The following GATA1 variants were observed in gnomAD, a reference collection of about 807,000 sequenced individuals.
The protein encoded by GATA1 is GATA binding protein 1.
A neutral mutation model predicts 18.9 loss-of-function variants in GATA1; 2 were observed. The ratio of observed to expected loss-of-function variants is 0.11; its 90% CI spans 0.04 to 0.33. GATA1 has a LOEUF of 0.33. GATA1 is among the 10% of genes least tolerant of loss of function. GATA1 has a pLI of 1.00. For missense variants in GATA1, 272 were observed against 344.7 expected (o/e 0.79, Z 1.67); for synonymous variants, 152 against 149.1 (o/e 1.02, Z -0.14).
intron 1 of GATA1, among the ~76,000 whole-genome samples, chrX:48,788,378 C>G (rs1372517140): frequency 9.1e-6 from 1 of 110,207 alleles, no homozygotes; most frequent in Non-Finnish European, 1.9e-5. Context: ...AGGAAAGACC[C>G]GGGAGCAGAA....
chrX:48,791,038 AG>A, intron 1 of GATA1, 52 bp from the exon 2 acceptor site: 1 of 821,258 alleles, frequency 1.2e-6, no homozygotes, highest in Non-Finnish European at 1.8e-6. Flanking sequence ...AGCAGGTGAA[AG>A]GAGGTGGGGG....
chrX:48,791,162 T>G lies in GATA1; in HGVS notation c.53T>G (p.Phe18Cys). Residue 18 changes from phenylalanine to cysteine, a missense_variant, in exon 2 of 6, where the codon TTT becomes TGT. Phe to Cys is a radical substitution (Grantham distance 205). This residue lies in a region of GATA1 where 147 missense variants were observed against 157.4 expected (regional missense o/e 0.93). Transcript: ENST00000376670. ...GGGACCTCAGAGCCCCTCCCCCAGT[T>G]TGTGGATCCTGCTCTGGTGTCCTCC... ...SLGTSEPLPQ[F>C]VDPALVSSTP... The G allele has an allele frequency of 8.3e-7, 1 of 1,208,834 alleles. No individual in the cohort carries two copies. The highest frequency in any genetic ancestry group is 1.1e-6 in the Non-Finnish European group (1 of 893,965).
Position 48,794,147 on chromosome X carries a change from G to A in GATA1, c.1225G>A (p.Ala409Thr). The change falls in exon 6 of 6, where the codon GCT (alanine) becomes ACT (threonine). Residue 409 changes from alanine to threonine, a missense_variant. Physicochemically the swap from Ala to Thr is moderately conservative, Grantham distance 58 (BLOSUM62 0). This residue lies in a region of GATA1 where 83 missense variants were observed against 84.2 expected (regional missense o/e 0.99). Transcript: ENST00000376670. ...MPPTTSTTVV[A>T]PLSS ...CCCCACCACCAGCACTACTGTGGTG[G>A]CTCCGCTCAGCTCATGAGGGCACAG... The A allele has an allele frequency of 8.5e-7, 1 of 1,178,910 alleles. No individual in the cohort carries two copies. The highest frequency in any genetic ancestry group is 1.1e-6 in the Non-Finnish European group (1 of 878,981).
At chrX:48,788,358 G>C (rs1302785107) in intron 1 of GATA1, among the ~76,000 whole-genome samples, 1 of 110,721 alleles carries the variant, frequency 9.0e-6, no homozygotes, top group Admixed American at 9.6e-5. Context: ...CAGATGGCCG[G>C]AGAAAAAGAA....
At chrX:48,787,507 A>C (rs782331246) in intron 1 of GATA1, among the ~76,000 whole-genome samples, 16 of 111,055 alleles carry the variant, frequency 1.4e-4, no homozygotes, top group Non-Finnish European at 1.7e-4. Flanking sequence ...TCTCTCCTCC[A>C]GAAAAACCCT....
intron 1 of GATA1, among the ~76,000 whole-genome samples, chrX:48,789,534 AC>A (rs2062667386): frequency 9.1e-6 from 1 of 109,901 alleles, no homozygotes; most frequent in African/African-American, 3.3e-5. Context: ...GCCCATCACC[AC>A]CCCCAATACA....
chrX:48,791,029 G>A (rs1165444581), intron 1 of GATA1, 62 bp from the exon 2 acceptor site: 3 of 728,606 alleles, frequency 4.1e-6, no homozygotes, highest in African/African-American at 4.5e-5. Flanking sequence ...GGGAAGAGGA[G>A]CAGGTGAAAG....
chrX:48,790,963 G>A, intron 1 of GATA1, 128 bp from the exon 2 acceptor site: 1 of 489,670 alleles, frequency 2.0e-6, no homozygotes, highest in South Asian at 2.8e-5. Context: ...GGAATGGGGA[G>A]GTGGGAAGGA....
intron 4 of GATA1, 62 bp from the exon 5 acceptor site, chrX:48,793,110 G>A (rs1242799640): frequency 8.5e-7 from 1 of 1,179,508 alleles, no homozygotes; most frequent in Non-Finnish European, 1.2e-6. Context: ...CATCCCCTGT[G>A]AGCCCCTTAC....
At chrX:48,792,705 T>A (rs1436568015) in intron 4 of GATA1, among the ~76,000 whole-genome samples, 2 of 111,531 alleles carry the variant, frequency 1.8e-5, no homozygotes, top group Non-Finnish European at 1.9e-5. Flanking sequence ...GCATGAGAAC[T>A]CCTGCCCTTT....
intron 1 of GATA1, among the ~76,000 whole-genome samples, chrX:48,790,011 C>T (rs1360282488): frequency 7.0e-5 from 7 of 100,090 alleles, no homozygotes; most frequent in Admixed American, 1.1e-4. Context: ...GACGGGGGGA[C>T]GGGGAGAATA....
At chrX:48,789,306 CAAA>C (rs1364678472) in intron 1 of GATA1, among the ~76,000 whole-genome samples, 4 of 38,143 alleles carry the variant, frequency 1.0e-4, no homozygotes, top group African/African-American at 1.0e-4. Flanking sequence ...GACTCCGTCT[CAAA>C]AAAAAAAAAA....
intron 2 of GATA1, among the ~76,000 whole-genome samples, chrX:48,791,536 T>C (rs1309082184): frequency 8.9e-6 from 1 of 112,030 alleles, no homozygotes; most frequent in Non-Finnish European, 1.9e-5. Flanking sequence ...GCGGCCACAC[T>C]GAGAGGCAAT....
chrX:48,792,313 A>G lies in GATA1; in HGVS notation c.599-10A>G, dbSNP rs782347891. ...AGCCTAGCTCCCTCTTCTCCTCTCCACCCCACCAGAGGCCAGGGAGTGTGT... is the reference window on the plus strand; with the variant it reads ...AGCCTAGCTCCCTCTTCTCCTCTCCGCCCCACCAGAGGCCAGGGAGTGTGT... On this transcript the variant is annotated splice_polypyrimidine_tract_variant and intron_variant, in intron 3 of 5. Transcript: ENST00000376670. The G allele has an allele frequency of 8.3e-7, 1 of 1,208,509 alleles. No individual in the cohort carries two copies. Among genetic ancestry groups the G allele is most frequent in the African/African-American group, 1.8e-5 (1 of 56,645 alleles).
chrX:48,789,306 CAA>C (rs1364678472), intron 1 of GATA1, among the ~76,000 whole-genome samples: 5 of 38,116 alleles, frequency 1.3e-4, no homozygotes, highest in Admixed American at 6.4e-4. Flanking sequence ...GACTCCGTCT[CAA>C]AAAAAAAAAA....
chrX:48,793,423 C>A, intron 5 of GATA1, 126 bp downstream of exon 5: 1 of 610,239 alleles, frequency 1.6e-6, no homozygotes, highest in East Asian at 3.6e-5. Context: ...CCCTTTCCCT[C>A]CTTCCTCCCC....
At chrX:48,792,260 A>G (rs782599487) in intron 3 of GATA1, 39 bp downstream of exon 3, 1 of 1,209,721 alleles carries the variant, frequency 8.3e-7, no homozygotes, top group Admixed American at 2.2e-5. Context: ...TTGAGGTGGG[A>G]GGGGTGGCCC....
chrX:48,788,546 G>A (rs140860091), intron 1 of GATA1, among the ~76,000 whole-genome samples: 1,434 of 111,608 alleles, frequency 0.013, 78 homozygotes, highest in Admixed American at 0.12. Context: ...CTGAGAAGGT[G>A]TTGGCGGTGG....
rs2062682728 is a variant in GATA1, at chrX:48,793,979, C to T, written c.1057C>T (p.Leu353=). 8.3e-7 allele frequency: 1 copy of T among 1,207,031 alleles called. No individual in the cohort carries two copies. The highest frequency in any genetic ancestry group is 3.0e-5 in the East Asian group (1 of 33,606). The stretch of plus-strand genomic sequence containing the variant: ...GAATTGTGGGGAGGTGGCTTCAGGC[C>T]TGACACTGGGCCCCCCAGGTACTGC... The part of the protein sequence containing the change: ...SGNCGEVASG[L]TLGPPGTAHL... Residue 353 remains leucine, a synonymous_variant, in exon 6 of 6, where the codon CTG becomes TTG. Transcript: ENST00000376670.
Sources: allele counts gnomAD v4.1 joint callset (sites outside exome capture counted in the v4.1 genomes callset), GRCh38; gene constraint gnomAD v4.1.1; regional missense constraint gnomAD v4.1.1; transcripts MANE v1.5; gene names NCBI Gene and HGNC (gene_info 2026-07-23, HGNC 2026-07-21).